Variants in NKAIN3 observed in about 807,000 individuals in gnomAD.
NKAIN3 encodes the protein sodium/potassium-transporting ATPase subunit beta-1-interacting protein 3.
NKAIN3 carries 25 observed loss-of-function variants against 30.2 expected under a neutral mutation model. The ratio of observed to expected loss-of-function variants is 0.83; its 90% CI spans 0.60 to 1.16. The LOEUF is 1.16. Among genes scored for constraint, NKAIN3 ranks in the 50% most tolerant of loss-of-function variants. The probability of loss-of-function intolerance (pLI) is 0.00; values close to 1 mark genes in which losing one functional copy is unlikely to be tolerated. For missense variants in NKAIN3, 225 were observed against 254.1 expected (o/e 0.89, Z 0.78); for synonymous variants, 91 against 89.6 (o/e 1.02, Z -0.09).
intron 1 of NKAIN3, among the ~76,000 whole-genome samples, chr8:62,555,846 C>T (rs924062021): frequency 4.6e-5 from 7 of 151,882 alleles, no homozygotes; most frequent in African/African-American, 7.2e-5. Context: ...TAAAAGAAAA[C>T]GGACAAATTT....
intron 1 of NKAIN3, among the ~76,000 whole-genome samples, chr8:62,324,721 T>C (rs13260909): frequency 0.47 from 71,965 of 151,882 alleles, 18,866 homozygotes; most frequent in Non-Finnish European, 0.6. Flanking sequence ...ATTTAAACCA[T>C]TTTAACTGCT....
At chr8:62,803,190 C>T (rs1818134996) in intron 4 of NKAIN3, among the ~76,000 whole-genome samples, 1 of 152,096 alleles carries the variant, frequency 6.6e-6, no homozygotes, top group African/African-American at 2.4e-5. Context: ...CCACTGTCAA[C>T]ATTAGACAGA....
intron 4 of NKAIN3, among the ~76,000 whole-genome samples, chr8:62,750,485 A>G (rs1816240791): frequency 6.6e-6 from 1 of 152,128 alleles, no homozygotes; most frequent in Non-Finnish European, 1.5e-5. Context: ...GGGGTTCCTT[A>G]CCAGGCTGTT....
chr8:62,746,994 T>A lies in NKAIN3; in HGVS notation c.336T>A (p.Pro112=). The A allele has an allele frequency of 6.2e-7, 1 of 1,613,960 alleles. No homozygotes were observed. The highest frequency in any genetic ancestry group is 1.7e-5 in the Admixed American group (1 of 60,034). The change falls in exon 4 of 7, where the codon CCT becomes CCA. Residue 112 remains proline (P), a synonymous_variant. Transcript: ENST00000623646. ...GGTCATGGTGGAGAGAACATGGGCCTGGTTGTGTCAGAAGAGTGCTGCCTC... is the reference window on the plus strand; with the variant it reads ...GGTCATGGTGGAGAGAACATGGGCCAGGTTGTGTCAGAAGAGTGCTGCCTC... ...VHRSWWREHG[P]GCVRRVLPPS... is the part of the protein sequence containing the mutation.
intron 1 of NKAIN3, among the ~76,000 whole-genome samples, chr8:62,503,705 C>A (rs1340859066): frequency 6.6e-6 from 1 of 152,054 alleles, no homozygotes; most frequent in African/African-American, 2.4e-5. Flanking sequence ...AGTGATATCT[C>A]TTCTACTTGC....
intron 4 of NKAIN3, among the ~76,000 whole-genome samples, chr8:62,802,388 A>G (rs1206007222): frequency 1.3e-5 from 2 of 152,264 alleles, no homozygotes; most frequent in African/African-American, 4.8e-5. Flanking sequence ...GGTTACCCAC[A>G]AAGGGAAGCC....
At chr8:62,833,747 C>A (rs575306218) in intron 4 of NKAIN3, among the ~76,000 whole-genome samples, 4 of 150,738 alleles carry the variant, frequency 2.7e-5, no homozygotes, top group Non-Finnish European at 5.9e-5. Context: ...GCAAGATGTA[C>A]AAAGAAGAGC....
intron 1 of NKAIN3, among the ~76,000 whole-genome samples, chr8:62,530,554 G>A (rs992671164): frequency 2.0e-5 from 3 of 152,088 alleles, no homozygotes; most frequent in African/African-American, 7.2e-5. Flanking sequence ...GGTAAGAACA[G>A]GTTGACAATA....
At chr8:62,474,180 A>G (rs2129600185) in intron 1 of NKAIN3, 1 of 152,290 alleles carries the variant, frequency 6.6e-6, no homozygotes, top group East Asian at 1.9e-4. Context: ...ATGTGATCAA[A>G]CCCCAGAAAT....
intron 1 of NKAIN3, among the ~76,000 whole-genome samples, chr8:62,371,836 G>A (rs1816916878): frequency 6.6e-6 from 1 of 151,896 alleles, no homozygotes; most frequent in Non-Finnish European, 1.5e-5. Context: ...TGTGAACAGT[G>A]AGAATGCTAA....
intron 1 of NKAIN3, among the ~76,000 whole-genome samples, chr8:62,476,169 G>A (rs921537062): frequency 5.3e-5 from 8 of 152,266 alleles, no homozygotes; most frequent in Middle Eastern, 3.4e-3. Context: ...CTAAGACAAA[G>A]TAAGAAGGCT....
chr8:62,402,482 G>A (rs1285529269), intron 1 of NKAIN3, among the ~76,000 whole-genome samples: 1 of 152,210 alleles, frequency 6.6e-6, no homozygotes, highest in Non-Finnish European at 1.5e-5. Flanking sequence ...TGTTGTGGGA[G>A]GGACCTGGTG....
intron 1 of NKAIN3, among the ~76,000 whole-genome samples, chr8:62,327,243 A>C (rs778669258): frequency 2.0e-5 from 3 of 151,998 alleles, no homozygotes; most frequent in Non-Finnish European, 4.4e-5. Flanking sequence ...TGATTTGTAA[A>C]TACTTTGTCC....
intron 4 of NKAIN3, among the ~76,000 whole-genome samples, chr8:62,753,230 A>ACG (rs1554574218): frequency 4.4e-4 from 67 of 151,342 alleles, no homozygotes; most frequent in Middle Eastern, 6.8e-3. Context: ...ACACACACAC[A>ACG]CACGCACGCA....
chr8:62,395,001 G>A (rs1817702385), intron 1 of NKAIN3, among the ~76,000 whole-genome samples: 1 of 145,004 alleles, frequency 6.9e-6, no homozygotes, highest in Non-Finnish European at 1.5e-5. Flanking sequence ...GGACAGAGGC[G>A]CTCATCACTT....
intron 6 of NKAIN3, among the ~76,000 whole-genome samples, chr8:62,957,224 C>T (rs865885274): frequency 2.8e-4 from 43 of 152,246 alleles, no homozygotes; most frequent in Middle Eastern, 6.8e-3. Flanking sequence ...AGCTCCGCCT[C>T]CTGAGTTCAC....
At chr8:62,445,159 T>A (rs1805442697) in intron 1 of NKAIN3, among the ~76,000 whole-genome samples, 2 of 152,108 alleles carry the variant, frequency 1.3e-5, no homozygotes, top group South Asian at 4.1e-4. Context: ...TTGGCCAGGA[T>A]GGTCTCAATC....
At chr8:62,942,959 C>G (rs2130885194) in intron 5 of NKAIN3, among the ~76,000 whole-genome samples, 1 of 152,178 alleles carries the variant, frequency 6.6e-6, no homozygotes, top group East Asian at 1.9e-4. Flanking sequence ...AAAAACCCTT[C>G]TAGACATTGG....
intron 3 of NKAIN3, among the ~76,000 whole-genome samples, chr8:62,639,383 G>A (rs1385736583): frequency 6.6e-6 from 1 of 152,050 alleles, no homozygotes; most frequent in Non-Finnish European, 1.5e-5. Flanking sequence ...AAACCCATGT[G>A]GCTAGAGAGA....
Sources: gnomAD v4.1 joint callset for allele counts (sites outside exome capture counted in the v4.1 genomes callset) on GRCh38, gnomAD v4.1.1 for gene constraint, MANE v1.5 for transcripts, NCBI Gene and HGNC (gene_info 2026-07-23, HGNC 2026-07-21) for gene names.